TMEM164: variants seen among roughly 807,000 people sequenced by gnomAD.
TMEM164 encodes RP13-360B22.2.
A neutral mutation model predicts 18.8 loss-of-function variants in TMEM164; 4 were observed. That is an observed-to-expected ratio of 0.21 (90% CI 0.10 to 0.49). The LOEUF (loss-of-function observed/expected upper bound fraction) is 0.49, where lower values mean the gene tolerates loss of function less well. Ranked by LOEUF, TMEM164 falls within the 20% of genes least tolerant of loss-of-function variation. The pLI, the probability that TMEM164 is intolerant of heterozygous loss-of-function variation, is 0.98. For synonymous variants in TMEM164, 86 were observed against 101.7 expected, an observed-to-expected ratio of 0.85 and a Z score of 0.93; for missense variants, 108 against 239.9, an observed-to-expected ratio of 0.45 and a Z score of 3.63.
intron 4 of TMEM164, among the ~76,000 whole-genome samples, chrX:110,122,957 G>T (rs1409660857): frequency 1.8e-5 from 2 of 112,262 alleles, no homozygotes; most frequent in African/African-American, 6.5e-5. Flanking sequence ...GGCTGCTTGT[G>T]CTTTTGGTAT....
At chrX:110,053,279 AG>A (rs1397318626) in intron 2 of TMEM164, among the ~76,000 whole-genome samples, 5 of 111,627 alleles carry the variant, frequency 4.5e-5, no homozygotes, top group African/African-American at 1.6e-4. Flanking sequence ...TTTGGTTGAC[AG>A]GGTGCCGTAG....
intron 3 of TMEM164, among the ~76,000 whole-genome samples, chrX:110,104,188 G>A (rs1021822618): frequency 8.9e-6 from 1 of 111,802 alleles, no homozygotes; most frequent in Non-Finnish European, 1.9e-5. Context: ...CATCGTAATT[G>A]AGAGATGTAA....
chrX:110,146,405 C>A (rs1453361812), intron 5 of TMEM164, among the ~76,000 whole-genome samples: 1 of 112,524 alleles, frequency 8.9e-6, no homozygotes, highest in Non-Finnish European at 1.9e-5. Flanking sequence ...CAGGAAGCCA[C>A]ATCCTCAAGA....
At chrX:110,110,214 T>C (rs1214795573) in intron 4 of TMEM164, among the ~76,000 whole-genome samples, 2 of 110,976 alleles carry the variant, frequency 1.8e-5, no homozygotes, top group Admixed American at 1.9e-4. Context: ...TCCTGTCATC[T>C]CCTCCCCACA....
intron 2 of TMEM164, among the ~76,000 whole-genome samples, chrX:110,029,025 A>G (rs961889332): frequency 5.4e-5 from 6 of 111,282 alleles, no homozygotes; most frequent in Non-Finnish European, 1.9e-5. Flanking sequence ...GTGGCAACTT[A>G]GAGTGTGGAT....
At chrX:110,142,171 G>A (rs2066778998) in intron 4 of TMEM164, among the ~76,000 whole-genome samples, 1 of 112,375 alleles carries the variant, frequency 8.9e-6, no homozygotes, top group African/African-American at 3.2e-5. Context: ...TGTGTGATGT[G>A]TGGCTGGGGC....
chrX:110,077,664 CCTTAG>C (rs1329817259), intron 3 of TMEM164, among the ~76,000 whole-genome samples: 2 of 111,626 alleles, frequency 1.8e-5, no homozygotes, highest in Non-Finnish European at 3.8e-5. Flanking sequence ...TAACGAGTTC[CCTTAG>C]CATTTGCTTG....
chrX:110,112,534 G>GT (rs2066305110), intron 4 of TMEM164, among the ~76,000 whole-genome samples: 1 of 111,630 alleles, frequency 9.0e-6, no homozygotes, highest in Non-Finnish European at 1.9e-5. Context: ...AAAATAAAAA[G>GT]TAACAGTAGC....
chrX:110,119,433 G>C (rs112007785), intron 4 of TMEM164, among the ~76,000 whole-genome samples: 94 of 111,079 alleles, frequency 8.5e-4, no homozygotes, highest in African/African-American at 2.8e-3. Context: ...ATTTCTTAAA[G>C]AAAGTAAGGA....
At chrX:110,114,324 A>G (rs999394818) in intron 4 of TMEM164, among the ~76,000 whole-genome samples, 5 of 111,817 alleles carry the variant, frequency 4.5e-5, no homozygotes, top group Non-Finnish European at 9.4e-5. Context: ...CTTCCTGCCT[A>G]GGCTACAAAT....
intron 2 of TMEM164, 81 bp downstream of exon 2, chrX:110,004,245 C>T (rs892045596): frequency 1.9e-6 from 2 of 1,065,275 alleles, no homozygotes; most frequent in Non-Finnish European, 2.5e-6. Flanking sequence ...GTGTACAGCA[C>T]CTCATCCCGG....
intron 3 of TMEM164, among the ~76,000 whole-genome samples, chrX:110,105,545 A>G (rs1194129332): frequency 9.1e-6 from 1 of 109,720 alleles, no homozygotes; most frequent in Non-Finnish European, 1.9e-5. Context: ...GGTAAAGGGC[A>G]ATGTAGTTGT....
intron 2 of TMEM164, among the ~76,000 whole-genome samples, chrX:110,031,863 T>TTTATTA (rs748162064): frequency 0.028 from 3,042 of 108,653 alleles, 126 homozygotes; most frequent in African/African-American, 0.098. Flanking sequence ...TTTTTTTCTT[T>TTTATTA]TTATTATTAT....
At chrX:110,106,637 G>A (rs1446337488) in intron 3 of TMEM164, among the ~76,000 whole-genome samples, 1 of 111,578 alleles carries the variant, frequency 9.0e-6, no homozygotes, top group Non-Finnish European at 1.9e-5. Flanking sequence ...GCCTCCCAAA[G>A]TGCTGGGATT....
At chrX:110,062,330 A>G (rs974611349) in intron 2 of TMEM164, among the ~76,000 whole-genome samples, 2 of 112,149 alleles carry the variant, frequency 1.8e-5, no homozygotes, top group African/African-American at 6.5e-5. Context: ...ATAGTTTAAC[A>G]TTTCTGGTAA....
intron 5 of TMEM164, among the ~76,000 whole-genome samples, chrX:110,154,864 G>A (rs2066994792): frequency 8.9e-6 from 1 of 111,828 alleles, no homozygotes; most frequent in Non-Finnish European, 1.9e-5. Flanking sequence ...ATTTGGTCGA[G>A]TACCTTGACC....
chrX:110,084,379 T>TATATATATATAGTATAGTATATATATA (rs1228632082), intron 3 of TMEM164, among the ~76,000 whole-genome samples: 1 of 35,649 alleles, frequency 2.8e-5, no homozygotes, highest in Non-Finnish European at 4.0e-5. Context: ...ATATATATAG[T>TATATATATATAGTATAGTATATATATA]GTATATATAT....
intron 2 of TMEM164, among the ~76,000 whole-genome samples, chrX:110,038,990 G>A (rs1934974306): frequency 8.9e-6 from 1 of 111,860 alleles, no homozygotes; most frequent in African/African-American, 3.3e-5. Context: ...GGATACTACT[G>A]GAATCAGACA....
chrX:110,070,622 C>A (rs989300918), intron 3 of TMEM164, among the ~76,000 whole-genome samples: 4 of 110,591 alleles, frequency 3.6e-5, no homozygotes, highest in African/African-American at 1.3e-4. Flanking sequence ...CAGTGACTCA[C>A]GCCTGTAATC....
Sources: allele counts gnomAD v4.1 joint callset (sites outside exome capture counted in the v4.1 genomes callset), GRCh38; gene constraint gnomAD v4.1.1; transcripts MANE v1.5; gene names NCBI Gene and HGNC (gene_info 2026-07-23, HGNC 2026-07-21).